FOXK1: variants seen among roughly 807,000 people sequenced by gnomAD.
The protein encoded by FOXK1 is forkhead box K1, also known as forkhead box protein K1.
Under a neutral mutation model 51.9 loss-of-function variants are expected in FOXK1, and 19 were observed. The observed-to-expected ratio is 0.37, with a 90% CI of 0.26 to 0.54. The LOEUF (loss-of-function observed/expected upper bound fraction) is 0.54, where lower values mean the gene tolerates loss of function less well. Among genes scored for constraint, FOXK1 ranks in the 20% least tolerant of loss-of-function variants. The probability of loss-of-function intolerance (pLI) is 0.87; values close to 1 mark genes in which losing one functional copy is unlikely to be tolerated. For synonymous variants in FOXK1, 537 were observed against 482.6 expected (o/e 1.11, Z -1.48); for missense variants, 870 against 1,032.7 (o/e 0.84, Z 2.16).
intron 1 of FOXK1, among the ~76,000 whole-genome samples, chr7:4,732,930 T>C (rs901532679): frequency 5.3e-5 from 8 of 152,226 alleles, no homozygotes; most frequent in African/African-American, 1.9e-4. Flanking sequence ...AATTGATCTC[T>C]GGACGCTGAC....
intron 1 of FOXK1, among the ~76,000 whole-genome samples, chr7:4,738,657 A>AT (rs957770183): frequency 6.6e-6 from 1 of 152,100 alleles, no homozygotes; most frequent in African/African-American, 2.4e-5. Flanking sequence ...ATCCCCCAAG[A>AT]TTCACTCGCT....
rs1211574685 is a variant in FOXK1, at chr7:4,757,268, G to C, written c.1244+81G>C. Reference sequence around the variant, plus strand: ...AGTTTAGAGATACGTGGCGCAGTCAGCCCTCCGGATCTGTGGGCTCAGGCT... The same window carrying C: ...AGTTTAGAGATACGTGGCGCAGTCACCCCTCCGGATCTGTGGGCTCAGGCT... On this transcript the variant is annotated intron_variant, in intron 5 of 8. Coordinates refer to ENST00000328914, the MANE Select transcript of FOXK1 (RefSeq NM_001037165.2). 3 of 1,266,282 alleles carry C rather than the reference G, an allele frequency of 2.4e-6. No homozygotes were observed. The African/African-American group carries it at 4.5e-5, about 19-fold the overall frequency. 78.4% of individuals were successfully genotyped at this position (1,266,282 alleles called of 1,614,324 possible). A position where few individuals can be genotyped will look rare whatever the true frequency, so the allele number is the denominator to read the frequency against.
At chr7:4,694,350 C>T (rs1779927233) in intron 1 of FOXK1, among the ~76,000 whole-genome samples, 1 of 152,022 alleles carries the variant, frequency 6.6e-6, no homozygotes, top group Non-Finnish European at 1.5e-5. Flanking sequence ...TCATTTTCTC[C>T]CTCCCCAGTC....
In FOXK1 at chr7:4,707,352, G is replaced by C. The variant is rs920112058; in HGVS notation, c.560+24484G>C. Reference sequence around the variant, plus strand: ...GCCATCCGGGATAAACAGATGGGACGGAGAGTGCAATTTACATAACAATTA... The same window carrying C: ...GCCATCCGGGATAAACAGATGGGACCGAGAGTGCAATTTACATAACAATTA... On this transcript the variant is annotated intron_variant, in intron 1 of 8. Transcript: ENST00000328914. The surrounding 1 kb of genome is among the most constrained non-coding windows in gnomAD (Gnocchi z 4.1). Among the ~76,000 whole-genome samples the C allele has an allele frequency of 6.6e-6, 1 of 152,202 alleles. No homozygotes were observed. Among genetic ancestry groups the C allele is most frequent in the Non-Finnish European group, 1.5e-5 (1 of 68,040 alleles).
At chr7:4,692,256 C>T (rs754796091) in intron 1 of FOXK1, among the ~76,000 whole-genome samples, 8 of 152,232 alleles carry the variant, frequency 5.3e-5, no homozygotes, top group East Asian at 1.9e-4. Flanking sequence ...GGCTGTGATG[C>T]GTGTTCAGGC....
Position 4,770,411 on chromosome 7 carries a change from A to T in FOXK1, c.*7947A>T, listed in dbSNP as rs1238107744. ...CCAGGCGTGGTGGCGTGTGCCTGTAATCCCAGCTACCAGGGAGGCTGAGGC... is the reference window on the plus strand; with the variant it reads ...CCAGGCGTGGTGGCGTGTGCCTGTATTCCCAGCTACCAGGGAGGCTGAGGC... On this transcript the variant is annotated 3_prime_UTR_variant, in exon 9 of 9. Transcript: ENST00000328914. The T allele has an allele frequency of 6.6e-6, 1 of 152,156 alleles. No individual in the cohort carries two copies. The highest frequency in any genetic ancestry group is 1.5e-5 in the Non-Finnish European group (1 of 68,054). The allele number at this position is 152,156 out of a possible 1,614,324, so 9.4% of individuals were successfully genotyped here. A position where few individuals can be genotyped will look rare whatever the true frequency, so the allele number is the denominator to read the frequency against.
At chr7:4,712,017 G>A (rs1221555059) in intron 1 of FOXK1, among the ~76,000 whole-genome samples, 1 of 151,976 alleles carries the variant, frequency 6.6e-6, no homozygotes, top group East Asian at 1.9e-4. Flanking sequence ...GAAGCTGGAA[G>A]TTCAGATTCT....
At chr7:4,719,600 G>C (rs1413408228) in intron 1 of FOXK1, among the ~76,000 whole-genome samples, 1 of 152,130 alleles carries the variant, frequency 6.6e-6, no homozygotes, top group African/African-American at 2.4e-5. Flanking sequence ...TCCTGCCTCA[G>C]CTTCCTGAGT....
chr7:4,765,764 C>G lies in FOXK1; in HGVS notation c.*3300C>G, dbSNP rs1229608891. The G allele has an allele frequency of 6.6e-6, 1 of 152,296 alleles. No homozygotes were observed. Among genetic ancestry groups the G allele is most frequent in the African/African-American group, 2.4e-5 (1 of 41,468 alleles). The allele number at this position is 152,296 out of a possible 1,614,324, so 9.4% of individuals were successfully genotyped here. On this transcript the variant is annotated 3_prime_UTR_variant, in exon 9 of 9. Transcript: ENST00000328914. ...TCCTGACTCCTGCTGGATAAATTGC[C>G]AGGTTTATCAAATACAAGAAAACAC...
In FOXK1 at chr7:4,761,976, A is replaced by C. The variant is rs991102702; in HGVS notation, c.1922-208A>C. Among the ~76,000 whole-genome samples the C allele has an allele frequency of 2.6e-5, 4 of 152,130 alleles. No individual in the cohort carries two copies. The highest frequency in any genetic ancestry group is 7.2e-5 in the African/African-American group (3 of 41,430). On this transcript the variant is annotated intron_variant, in intron 8 of 8. Coordinates refer to ENST00000328914, the MANE Select transcript of FOXK1 (RefSeq NM_001037165.2). The surrounding 1 kb of genome is among the most constrained non-coding windows in gnomAD (Gnocchi z 6.2). ...GCAATGAGAGGGGCCTCCACCCAAC[A>C]GGCTGGAGCCAGCAGAGACAGGGCA...
chr7:4,730,576 G>T lies in FOXK1; in HGVS notation c.561-10262G>T, dbSNP rs367736580. On this transcript the variant is annotated intron_variant, in intron 1 of 8. Transcript: ENST00000328914. The surrounding 1 kb of genome is among the most constrained non-coding windows in gnomAD (Gnocchi z 4.7). ...CAGGGACCTTGCCGACCCAGCCCCC[G>T]CCCCGCCTTCAAGTTTGTGCCTTAT... Among the ~76,000 whole-genome samples the T allele has an allele frequency of 7.9e-5, 12 of 152,208 alleles. 1 individual carries two copies. The highest frequency in any genetic ancestry group is 2.6e-4 in the African/African-American group (11 of 41,546).
In FOXK1 at chr7:4,758,912, C is replaced by G; in HGVS notation, c.1245-139C>G. On this transcript the variant is annotated intron_variant, in intron 5 of 8. Transcript: ENST00000328914. The surrounding 1 kb of genome is among the most constrained non-coding windows in gnomAD (Gnocchi z 4.4). ...GGGTTCAGGTTACGGGGGCGTTTCT[C>G]ACCGTCTGAATGCGGAGGACAGAGA... 1 of 909,132 alleles carries G rather than the reference C, an allele frequency of 1.1e-6. No homozygotes were observed. The highest frequency in any genetic ancestry group is 1.6e-6 in the Non-Finnish European group (1 of 616,502). The allele number at this position is 909,132 out of a possible 1,614,324, so 56.3% of individuals were successfully genotyped here. A position where few individuals can be genotyped will look rare whatever the true frequency, so the allele number is the denominator to read the frequency against.
chr7:4,688,822 A>T (rs1197781741), intron 1 of FOXK1, among the ~76,000 whole-genome samples: 2 of 151,838 alleles, frequency 1.3e-5, no homozygotes, highest in African/African-American at 4.8e-5. Flanking sequence ...CGGGGATTCC[A>T]TCAGACTCAA....
Position 4,743,632 on chromosome 7 carries a change from T to A in FOXK1, c.746+2609T>A, listed in dbSNP as rs1325567849. On this transcript the variant is annotated intron_variant, in intron 2 of 8. Coordinates refer to ENST00000328914, the MANE Select transcript of FOXK1 (RefSeq NM_001037165.2). This position sits in a 1 kb window ranked among gnomAD's most constrained non-coding sequence, Gnocchi z 5.3. Reference sequence around the variant, plus strand: ...GTTGAGCGCAGTATATGTACTTAAGTCTTCACCTAGTACCACCTTAAAGGC... The same window carrying A: ...GTTGAGCGCAGTATATGTACTTAAGACTTCACCTAGTACCACCTTAAAGGC... 6.6e-6 allele frequency among the ~76,000 whole-genome samples: 1 copy of A among 152,210 alleles called. No individual in the cohort carries two copies. Among genetic ancestry groups the A allele is most frequent in the Non-Finnish European group, 1.5e-5 (1 of 68,050 alleles).
In FOXK1 at chr7:4,768,405, T is replaced by TA. The variant is rs1781048392; in HGVS notation, c.*5942dup. ...CCTCGGCCTCCCAAAGTGCTGGGAT[T>TA]ACAGGCGTGAGCCACCGCGCCCGGC... On this transcript the variant is annotated 3_prime_UTR_variant, in exon 9 of 9. Transcript: ENST00000328914. The TA allele has an allele frequency of 7.2e-6, 1 of 138,352 alleles. No homozygotes were observed. The highest frequency in any genetic ancestry group is 6.8e-5 in the Admixed American group (1 of 14,722). 8.6% of individuals were successfully genotyped at this position (138,352 alleles called of 1,614,324 possible).
rs1333532739 is a variant in FOXK1, at chr7:4,683,696, C to T, written c.560+828C>T. On this transcript the variant is annotated intron_variant, in intron 1 of 8. Transcript: ENST00000328914. This position sits in a 1 kb window ranked among gnomAD's most constrained non-coding sequence, Gnocchi z 4.5. ...CACCCCAGTGCCTGATGCCTGCCGT[C>T]CTGGACCCCAGTGGCTACCCCTGAC... Among the ~76,000 whole-genome samples the T allele has an allele frequency of 1.3e-5, 2 of 152,166 alleles. No homozygotes were observed. The highest frequency in any genetic ancestry group is 2.4e-5 in the African/African-American group (1 of 41,454).
chr7:4,740,438 A>AT (rs903148302), intron 1 of FOXK1, among the ~76,000 whole-genome samples: 5 of 147,378 alleles, frequency 3.4e-5, no homozygotes, highest in Non-Finnish European at 7.5e-5. Context: ...TCAAAAAAAA[A>AT]AAATAAATAA....
Position 4,711,325 on chromosome 7 carries a change from A to G in FOXK1, c.560+28457A>G, listed in dbSNP as rs1285396946. Among the ~76,000 whole-genome samples the G allele has an allele frequency of 6.6e-6, 1 of 152,148 alleles. No homozygotes were observed. Among genetic ancestry groups the G allele is most frequent in the African/African-American group, 2.4e-5 (1 of 41,442 alleles). ...TGTATCAGTCAGGGAGGCTGGGCGC[A>G]GTAATAAACACGCCCAGAGTGGAAG... On this transcript the variant is annotated intron_variant, in intron 1 of 8. Coordinates refer to ENST00000328914, the MANE Select transcript of FOXK1 (RefSeq NM_001037165.2). The surrounding 1 kb of genome is among the most constrained non-coding windows in gnomAD (Gnocchi z 6.3).
intron 1 of FOXK1, among the ~76,000 whole-genome samples, chr7:4,713,901 C>G (rs933428080): frequency 6.6e-6 from 1 of 152,004 alleles, no homozygotes; most frequent in African/African-American, 2.4e-5. Context: ...TCTTGGCTCA[C>G]TGCAACCTCC....
Sources: gnomAD v4.1 joint callset for allele counts (sites outside exome capture counted in the v4.1 genomes callset) on GRCh38, gnomAD v4.1.1 for gene constraint, Gnocchi (gnomAD v3.1) non-coding constraint, MANE v1.5 for transcripts, NCBI Gene and HGNC (gene_info 2026-07-23, HGNC 2026-07-21) for gene names.